GDA: variants seen among roughly 807,000 people sequenced by gnomAD.
The protein encoded by GDA is guanine deaminase.
A neutral mutation model predicts 59.6 loss-of-function variants in GDA; 18 were observed. The observed-to-expected ratio is 0.30, with a 90% CI of 0.21 to 0.45. The LOEUF is 0.45. GDA is among the 20% of genes least tolerant of loss of function. GDA has a pLI of 1.00. For missense variants in GDA, 427 were observed against 552.3 expected (o/e 0.77, Z 2.27); for synonymous variants, 201 against 201.1 (o/e 1.00, Z 0.00).
intron 2 of GDA, 145 bp downstream of exon 2, chr9:72,195,733 A>T (rs1389291856): frequency 2.9e-6 from 1 of 350,504 alleles, no homozygotes; most frequent in Non-Finnish European, 5.2e-6. Flanking sequence ...AAGGGAGGAG[A>T]TGGGAAGGAG....
rs899529342 is a variant in GDA at position 72,240,743 on chromosome 9, C to G, written c.989-409C>G. Reference sequence around the variant, plus strand: ...GAGGCAGAGATTGGAGTGATGCTGCCACAAGCCAAAGAATGCCAGGAGCCA... The same window carrying G: ...GAGGCAGAGATTGGAGTGATGCTGCGACAAGCCAAAGAATGCCAGGAGCCA... On this transcript the variant is annotated intron_variant, in intron 10 of 13. Transcript: ENST00000358399. 6.6e-5 allele frequency among the ~76,000 whole-genome samples: 10 copies of G among 152,194 alleles called. No homozygotes were observed. The East Asian group carries it at 1.9e-3, about 29-fold the overall frequency.
At chr9:72,123,188 T>C (rs1825724073) in intron 1 of GDA, among the ~76,000 whole-genome samples, 1 of 134,336 alleles carries the variant, frequency 7.4e-6, no homozygotes, top group Non-Finnish European at 1.7e-5. Context: ...TTCTTCCCTT[T>C]TTTTTTTTTT....
intron 1 of GDA, among the ~76,000 whole-genome samples, chr9:72,142,040 G>T (rs1826458925): frequency 6.6e-6 from 1 of 152,190 alleles, no homozygotes; most frequent in African/African-American, 2.4e-5. Flanking sequence ...TTTTCACAAA[G>T]GTTTAACAGA....
intron 2 of GDA, among the ~76,000 whole-genome samples, chr9:72,200,243 G>A (rs1047557495): frequency 7.3e-5 from 11 of 151,344 alleles, no homozygotes; most frequent in South Asian, 2.1e-4. Context: ...TGATCTGCCC[G>A]CCTTGGCCTC....
At chr9:72,233,689 C>A (rs988525267) in intron 10 of GDA, among the ~76,000 whole-genome samples, 12 of 152,124 alleles carry the variant, frequency 7.9e-5, no homozygotes, top group South Asian at 2.1e-4. Context: ...TACCTGTAAT[C>A]CCACCACCCT....
At chr9:72,165,941 A>G (rs889378445) in intron 1 of GDA, among the ~76,000 whole-genome samples, 3 of 151,928 alleles carry the variant, frequency 2.0e-5, no homozygotes, top group Non-Finnish European at 4.4e-5. Context: ...TTCCTAGTTA[A>G]GCATTTTAAG....
intron 1 of GDA, among the ~76,000 whole-genome samples, chr9:72,126,382 A>G (rs750605788): frequency 3.4e-4 from 52 of 152,182 alleles, no homozygotes; most frequent in Middle Eastern, 3.2e-3. Flanking sequence ...CGGTTTAGCT[A>G]ATAAAGGTTA....
At chr9:72,119,152 GA>G (rs1347838500) in intron 1 of GDA, among the ~76,000 whole-genome samples, 1 of 151,922 alleles carries the variant, frequency 6.6e-6, no homozygotes, top group Non-Finnish European at 1.5e-5. Context: ...TATCAACTAG[GA>G]AAAAAAATGT....
intron 1 of GDA, among the ~76,000 whole-genome samples, chr9:72,177,694 T>C (rs1830703846): frequency 6.6e-6 from 1 of 152,240 alleles, no homozygotes; most frequent in Non-Finnish European, 1.5e-5. Flanking sequence ...GTCATCCTGC[T>C]TTTAAAATTT....
At chr9:72,128,836 C>G (rs1825934189) in intron 1 of GDA, among the ~76,000 whole-genome samples, 1 of 151,794 alleles carries the variant, frequency 6.6e-6, no homozygotes, top group Admixed American at 6.6e-5. Flanking sequence ...AATAGCAATA[C>G]AATCAAAAAT....
downstream of GDA, chr9:72,257,029 C>T (rs1025803482): frequency 3.9e-5 from 6 of 152,218 alleles, no homozygotes; most frequent in African/African-American, 1.2e-4. Flanking sequence ...GATCCTCCCA[C>T]CTCAGCATTC....
upstream of GDA, among the ~76,000 whole-genome samples, chr9:72,148,386 A>T (rs567431319): frequency 6.6e-6 from 1 of 151,958 alleles, no homozygotes; most frequent in African/African-American, 2.4e-5. Flanking sequence ...AAACTAAAAA[A>T]CACAAAATAA....
At chr9:72,209,628 T>C (rs992282524) in intron 3 of GDA, among the ~76,000 whole-genome samples, 13 of 152,250 alleles carry the variant, frequency 8.5e-5, no homozygotes, top group African/African-American at 3.1e-4. Flanking sequence ...TTTTTGATAA[T>C]AGATTCCCTC....
At chr9:72,228,317 C>T in intron 9 of GDA, 2 of 361,370 alleles carry the variant, frequency 5.5e-6, no homozygotes, top group East Asian at 6.0e-5. Flanking sequence ...AAAAAATTTA[C>T]AGTGAAAGTA....
At chr9:72,133,295 A>AAAAAAT (rs1554722382) in intron 1 of GDA, among the ~76,000 whole-genome samples, 1 of 129,244 alleles carries the variant, frequency 7.7e-6, no homozygotes, top group African/African-American at 2.9e-5. Flanking sequence ...TCTAAAAAAA[A>AAAAAAT]AAAAAAAAAA....
At chr9:72,125,347 C>CCTCT (rs1157853095) in intron 1 of GDA, among the ~76,000 whole-genome samples, 1 of 132,100 alleles carries the variant, frequency 7.6e-6, no homozygotes, top group African/African-American at 2.7e-5. Context: ...TCCCTTCCTT[C>CCTCT]CTCTCTCTCT....
chr9:72,126,159 C>T (rs894262607), intron 1 of GDA, among the ~76,000 whole-genome samples: 3 of 152,048 alleles, frequency 2.0e-5, no homozygotes, highest in Admixed American at 6.6e-5. Flanking sequence ...CTCAGGCAAT[C>T]CAAAGTGATG....
chr9:72,127,974 C>T (rs1825901996), intron 1 of GDA, among the ~76,000 whole-genome samples: 1 of 152,042 alleles, frequency 6.6e-6, no homozygotes, highest in African/African-American at 2.4e-5. Context: ...GGCTGTAAAC[C>T]ATTTATTAGA....
intron 1 of GDA, among the ~76,000 whole-genome samples, chr9:72,180,000 A>G (rs903307180): frequency 2.0e-5 from 3 of 151,544 alleles, no homozygotes; most frequent in Non-Finnish European, 2.9e-5. Flanking sequence ...ACTGTAACAT[A>G]TTAAATTGGG....
Sources: allele counts gnomAD v4.1 joint callset (sites outside exome capture counted in the v4.1 genomes callset), GRCh38; gene constraint gnomAD v4.1.1; transcripts MANE v1.5; gene names NCBI Gene and HGNC (gene_info 2026-07-23, HGNC 2026-07-21).